The following RPTOR variants were observed in gnomAD, a reference collection of about 807,000 sequenced individuals.
RPTOR encodes the protein regulatory associated protein of MTOR complex 1.
In RPTOR, 21 loss-of-function variants were observed where a neutral mutation model predicts 169.9. The observed-to-expected ratio is 0.12, with a 90% CI of 0.09 to 0.18. The LOEUF is 0.18. Among genes scored for constraint, RPTOR ranks in the 10% least tolerant of loss-of-function variants. RPTOR has a pLI of 1.00. For missense variants in RPTOR, 1,133 were observed against 1,855.9 expected (o/e 0.61, Z 7.16); for synonymous variants, 732 against 753.2 (o/e 0.97, Z 0.46).
rs1023759805 is a variant in RPTOR at position 80,754,399 on chromosome 17, C to G, written c.830+214C>G. 6.6e-6 allele frequency among the ~76,000 whole-genome samples: 1 copy of G among 152,160 alleles called. No individual in the cohort carries two copies. Among genetic ancestry groups the G allele is most frequent in the Non-Finnish European group, 1.5e-5 (1 of 68,028 alleles). ...AGATCCTTCTTCCTTCTGATCTGTT[C>G]GTGGGCAGCTCACTGCTTTGCGATT... On this transcript the variant is annotated intron_variant, in intron 6 of 33. Transcript: ENST00000306801. The surrounding 1 kb of genome is among the most constrained non-coding windows in gnomAD (Gnocchi z 4.2).
intron 1 of RPTOR, among the ~76,000 whole-genome samples, chr17:80,549,793 CAG>C (rs1445054362): frequency 7.9e-5 from 12 of 152,188 alleles, no homozygotes; most frequent in Non-Finnish European, 1.6e-4. Flanking sequence ...TGTAGACTGA[CAG>C]ACACTCTGTC....
intron 7 of RPTOR, among the ~76,000 whole-genome samples, chr17:80,797,940 T>A (rs551763921): frequency 1.3e-5 from 2 of 152,274 alleles, no homozygotes; most frequent in South Asian, 4.2e-4. Flanking sequence ...GCGGTACAGT[T>A]GAGAGACAAA....
chr17:80,674,290 T>G (rs1300801940), intron 3 of RPTOR, among the ~76,000 whole-genome samples: 1 of 151,294 alleles, frequency 6.6e-6, no homozygotes, highest in Admixed American at 6.6e-5. Context: ...ACGTGCATAG[T>G]TTTTTTTCTT....
intron 13 of RPTOR, among the ~76,000 whole-genome samples, chr17:80,871,985 C>T (rs545171654): frequency 3.3e-5 from 5 of 152,252 alleles, no homozygotes; most frequent in Admixed American, 6.5e-5. Context: ...GTCCCAGGAA[C>T]GGCAAAAATG....
intron 24 of RPTOR, among the ~76,000 whole-genome samples, chr17:80,930,384 AGCTCAGCTCAT>A (rs2068875239): frequency 3.5e-4 from 3 of 8,654 alleles, no homozygotes; most frequent in Non-Finnish European, 2.2e-4. Flanking sequence ...TCCCCAGCTC[AGCTCAGCTCAT>A]TCTCAGCTCA....
chr17:80,613,003 G>A (rs1023991101), intron 1 of RPTOR, among the ~76,000 whole-genome samples: 3 of 152,214 alleles, frequency 2.0e-5, no homozygotes, highest in African/African-American at 7.2e-5. Context: ...TCCATAGTCC[G>A]TCAGCATCAG....
intron 2 of RPTOR, among the ~76,000 whole-genome samples, chr17:80,638,410 T>C (rs1009015133): frequency 3.9e-5 from 5 of 127,248 alleles, no homozygotes; most frequent in Non-Finnish European, 6.8e-5. Context: ...TTTCTTCCTT[T>C]CTTTTTTTTT....
At chr17:80,774,131 A>G (rs2066870658) in intron 6 of RPTOR, 3 of 985,068 alleles carry the variant, frequency 3.0e-6, no homozygotes, top group Middle Eastern at 5.2e-4. Flanking sequence ...TGTTGGTGTG[A>G]CTCGAGGGCG....
chr17:80,566,569 C>G (rs2064843147), intron 1 of RPTOR, among the ~76,000 whole-genome samples: 11 of 151,784 alleles, frequency 7.2e-5, no homozygotes, highest in Admixed American at 6.6e-4. Context: ...GCCTGTAATC[C>G]CAGCTCTTAG....
chr17:80,789,315 A>C (rs2067024294), intron 6 of RPTOR, among the ~76,000 whole-genome samples: 2 of 152,140 alleles, frequency 1.3e-5, no homozygotes, highest in African/African-American at 4.8e-5. Context: ...GATCTTGTAG[A>C]GGCTTCGTTA....
In RPTOR at chr17:80,695,699, T is replaced by C. The variant is rs9909177; in HGVS notation, c.349-12142T>C. On this transcript the variant is annotated intron_variant, in intron 3 of 33. Transcript: ENST00000306801. The surrounding 1 kb of genome is among the most constrained non-coding windows in gnomAD (Gnocchi z 4.9). ...GGAGCCAGTGGAGTGGTGTGACTTTTGTATTTATAGACTTCTTCCAAAGGT... is the reference window on the plus strand; with the variant it reads ...GGAGCCAGTGGAGTGGTGTGACTTTCGTATTTATAGACTTCTTCCAAAGGT... Among the ~76,000 whole-genome samples the C allele has an allele frequency of 6.6e-6, 1 of 152,338 alleles. No individual in the cohort carries two copies. The highest frequency in any genetic ancestry group is 1.9e-4 in the East Asian group (1 of 5,184).
At chr17:80,918,429 CG>C in intron 21 of RPTOR, among the ~76,000 whole-genome samples, 1 of 123,128 alleles carries the variant, frequency 8.1e-6, no homozygotes, top group Middle Eastern at 4.1e-3. Context: ...GTCATAGCCA[CG>C]AGCACCCTCG....
chr17:80,786,023 T>C (rs1598302915), intron 6 of RPTOR, among the ~76,000 whole-genome samples: 1 of 151,868 alleles, frequency 6.6e-6, no homozygotes, highest in Non-Finnish European at 1.5e-5. Context: ...GTGGGGTGGG[T>C]GGTGGTGTCC....
chr17:80,694,442 A>T (rs2066019141), intron 3 of RPTOR, among the ~76,000 whole-genome samples: 3 of 152,224 alleles, frequency 2.0e-5, no homozygotes. Context: ...ACAATCTCTC[A>T]GTGGAGTGAG....
At chr17:80,795,786 C>T (rs1388694655) in intron 7 of RPTOR, among the ~76,000 whole-genome samples, 1 of 152,104 alleles carries the variant, frequency 6.6e-6, no homozygotes, top group Non-Finnish European at 1.5e-5. Flanking sequence ...GAATGGACAC[C>T]ACTCGGCTCT....
intron 1 of RPTOR, among the ~76,000 whole-genome samples, chr17:80,600,851 TCTCCCGCCG>T: frequency 6.6e-6 from 1 of 151,320 alleles, no homozygotes; most frequent in African/African-American, 2.4e-5. Flanking sequence ...CGCAGCAGCA[TCTCCCGCCG>T]CACGTGCCCT....
At chr17:80,908,706 G>A (rs2068574836) in intron 20 of RPTOR, 105 bp from the exon 21 acceptor site, 1 of 788,806 alleles carries the variant, frequency 1.3e-6, no homozygotes, top group Non-Finnish European at 2.1e-6. Flanking sequence ...GCTCTTTAAA[G>A]CAACACTTCT....
intron 21 of RPTOR, among the ~76,000 whole-genome samples, chr17:80,918,418 G>A (rs371801056): frequency 4.9e-4 from 63 of 128,166 alleles, no homozygotes; most frequent in African/African-American, 1.7e-3. Context: ...CCCTCGCGGG[G>A]GTCATAGCCA....
intron 6 of RPTOR, among the ~76,000 whole-genome samples, chr17:80,769,184 G>A (rs577499126): frequency 3.9e-5 from 6 of 152,328 alleles, no homozygotes; most frequent in Admixed American, 2.6e-4. Flanking sequence ...AAGCTGGCAA[G>A]TAGACCCATA....
Sources: gnomAD v4.1 joint callset for allele counts (sites outside exome capture counted in the v4.1 genomes callset) on GRCh38, gnomAD v4.1.1 for gene constraint, Gnocchi (gnomAD v3.1) non-coding constraint, MANE v1.5 for transcripts, NCBI Gene and HGNC (gene_info 2026-07-23, HGNC 2026-07-21) for gene names.